Variants in CDH13 observed in about 807,000 individuals in gnomAD.
The protein encoded by CDH13 is cadherin-13.
CDH13 carries 24 observed loss-of-function variants against 63.8 expected under a neutral mutation model. The ratio of observed to expected loss-of-function variants is 0.38; its 90% CI spans 0.27 to 0.53. The LOEUF is 0.53. CDH13 is among the 20% of genes least tolerant of loss of function. CDH13 has a pLI of 0.85. For synonymous variants in CDH13, 503 were observed against 355.3 expected, an observed-to-expected ratio of 1.42 and a Z score of -4.67; for missense variants, 1,049 against 903.1, an observed-to-expected ratio of 1.16 and a Z score of -2.07.
intron 1 of CDH13, among the ~76,000 whole-genome samples, chr16:82,783,258 A>T (rs1206476736): frequency 6.6e-6 from 1 of 152,228 alleles, no homozygotes; most frequent in Non-Finnish European, 1.5e-5. Flanking sequence ...AGGTGCTCCT[A>T]ATAAATGCAG....
chr16:83,239,588 C>T (rs956798480), intron 5 of CDH13, among the ~76,000 whole-genome samples: 9 of 152,194 alleles, frequency 5.9e-5, no homozygotes, highest in African/African-American at 2.2e-4. Flanking sequence ...AGAAAATAGG[C>T]ATAGCATCAT....
At chr16:83,526,751 T>G (rs1334997177) in intron 7 of CDH13, among the ~76,000 whole-genome samples, 1 of 152,348 alleles carries the variant, frequency 6.6e-6, no homozygotes, top group East Asian at 1.9e-4. Context: ...CTGCTTTACC[T>G]TCTTTACCTT....
At chr16:82,710,219 T>G (rs575674033) in intron 1 of CDH13, among the ~76,000 whole-genome samples, 110 of 146,768 alleles carry the variant, frequency 7.5e-4, no homozygotes, top group African/African-American at 2.6e-3. Context: ...TAATTTATAT[T>G]TATATTCATA....
chr16:82,672,069 C>T (rs1913315617), intron 1 of CDH13, among the ~76,000 whole-genome samples: 2 of 152,254 alleles, frequency 1.3e-5, no homozygotes, highest in Admixed American at 1.3e-4. Context: ...TCTTGCTTTT[C>T]AATATGGAAG....
At chr16:83,328,236 A>T (rs184785459) in intron 5 of CDH13, among the ~76,000 whole-genome samples, 1 of 152,208 alleles carries the variant, frequency 6.6e-6, no homozygotes, top group East Asian at 1.9e-4. Context: ...TATAAGAAAC[A>T]GAAGTCCATG....
At chr16:82,997,309 G>T (rs1435939562) in intron 2 of CDH13, among the ~76,000 whole-genome samples, 1 of 152,174 alleles carries the variant, frequency 6.6e-6, no homozygotes, top group African/African-American at 2.4e-5. Context: ...ACAGTGCTCA[G>T]TATTGTGATT....
At chr16:83,644,118 T>C (rs1022096121) in intron 8 of CDH13, among the ~76,000 whole-genome samples, 2 of 152,190 alleles carry the variant, frequency 1.3e-5, no homozygotes, top group Non-Finnish European at 2.9e-5. Context: ...AACATAAAAA[T>C]TCTGTAATCT....
chr16:83,037,269 C>T (rs1009124770), intron 3 of CDH13, among the ~76,000 whole-genome samples: 5 of 152,182 alleles, frequency 3.3e-5, no homozygotes, highest in African/African-American at 9.7e-5. Flanking sequence ...GAGATTACCC[C>T]TTCCTGCAGA....
At chr16:83,563,912 T>A (rs573041051) in intron 7 of CDH13, among the ~76,000 whole-genome samples, 20 of 152,008 alleles carry the variant, frequency 1.3e-4, no homozygotes, top group Non-Finnish European at 2.6e-4. Flanking sequence ...TGAGTGCACA[T>A]CCTGGAATCT....
intron 7 of CDH13, among the ~76,000 whole-genome samples, chr16:83,521,331 T>G (rs1450011980): frequency 6.6e-6 from 1 of 151,778 alleles, no homozygotes; most frequent in Non-Finnish European, 1.5e-5. Context: ...TACTCTTTGC[T>G]CTTTGAAATT....
chr16:82,634,847 A>G (rs1378270272), intron 1 of CDH13, among the ~76,000 whole-genome samples: 1 of 152,158 alleles, frequency 6.6e-6, no homozygotes, highest in East Asian at 1.9e-4. Context: ...CTTCAGGGAG[A>G]TTCACCTGAG....
chr16:83,286,966 C>G (rs914308784), intron 5 of CDH13, among the ~76,000 whole-genome samples: 1 of 151,988 alleles, frequency 6.6e-6, no homozygotes, highest in African/African-American at 2.4e-5. Context: ...TGTATTATAA[C>G]CTGTACCCCA....
At chr16:82,984,151 AG>A in intron 2 of CDH13, among the ~76,000 whole-genome samples, 1 of 152,346 alleles carries the variant, frequency 6.6e-6, no homozygotes, top group Admixed American at 6.5e-5. Context: ...TTGGATTTCA[AG>A]GGAAGGGCTT....
intron 1 of CDH13, among the ~76,000 whole-genome samples, chr16:82,676,829 T>C (rs1325289478): frequency 5.9e-5 from 9 of 152,152 alleles, no homozygotes; most frequent in Non-Finnish European, 1.3e-4. Context: ...GAGACTATCA[T>C]GCACAAAGGT....
intron 5 of CDH13, among the ~76,000 whole-genome samples, chr16:83,280,741 A>G (rs2089145490): frequency 6.6e-6 from 1 of 152,242 alleles, no homozygotes; most frequent in African/African-American, 2.4e-5. Flanking sequence ...TTGAAAGTCA[A>G]AATTACTCCT....
chr16:83,176,285 G>T (rs1380963965), intron 4 of CDH13, among the ~76,000 whole-genome samples: 1 of 152,044 alleles, frequency 6.6e-6, no homozygotes, highest in Non-Finnish European at 1.5e-5. Flanking sequence ...GCTGAGGCAG[G>T]CAGACCACGA....
intron 1 of CDH13, among the ~76,000 whole-genome samples, chr16:82,662,536 T>C (rs1567601372): frequency 6.6e-6 from 1 of 152,212 alleles, no homozygotes; most frequent in African/African-American, 2.4e-5. Context: ...GATGGCTTGT[T>C]GGGAGAAGAA....
chr16:82,860,567 G>C (rs1161744157), intron 2 of CDH13, among the ~76,000 whole-genome samples: 6 of 151,898 alleles, frequency 4.0e-5, no homozygotes, highest in Non-Finnish European at 8.8e-5. Context: ...TTTTATGCTT[G>C]TATATGAGTT....
At chr16:83,785,268 G>A (rs990664200) in intron 13 of CDH13, among the ~76,000 whole-genome samples, 5 of 152,196 alleles carry the variant, frequency 3.3e-5, no homozygotes, top group African/African-American at 1.2e-4. Context: ...AGAATAAGAT[G>A]CTGGCAGATT....
Sources: gnomAD v4.1 joint callset for allele counts (sites outside exome capture counted in the v4.1 genomes callset) on GRCh38, gnomAD v4.1.1 for gene constraint, MANE v1.5 for transcripts, NCBI Gene and HGNC (gene_info 2026-07-23, HGNC 2026-07-21) for gene names.